The following BCAP29 variants were observed in gnomAD, a reference collection of about 807,000 sequenced individuals.
BCAP29 encodes B cell receptor associated protein 29, also known as B-cell receptor-associated protein 29.
BCAP29 carries 34 observed loss-of-function variants against 31.8 expected under a neutral mutation model. The observed-to-expected ratio is 1.07, with a 90% CI of 0.81 to 1.42. BCAP29 has a LOEUF of 1.42. BCAP29 is among the 40% of genes most tolerant of loss of function. The pLI, the probability that BCAP29 is intolerant of heterozygous loss-of-function variation, is 0.00. For missense variants in BCAP29, 314 were observed against 269.2 expected (o/e 1.17, Z -1.16); for synonymous variants, 104 against 91.3 (o/e 1.14, Z -0.79).
At chr7:107,608,600 G>T (rs1233312078) in intron 6 of BCAP29, among the ~76,000 whole-genome samples, 1 of 151,692 alleles carries the variant, frequency 6.6e-6, no homozygotes, top group African/African-American at 2.4e-5. Flanking sequence ...TTTTAATTGG[G>T]CTGGATTCTT....
At chr7:107,605,165 C>T (rs1026428159) in intron 6 of BCAP29, among the ~76,000 whole-genome samples, 1 of 152,116 alleles carries the variant, frequency 6.6e-6, no homozygotes, top group African/African-American at 2.4e-5. Flanking sequence ...AAGGCCTATA[C>T]TCATAAACTA....
intron 6 of BCAP29, among the ~76,000 whole-genome samples, chr7:107,605,105 C>A (rs1008988658): frequency 6.6e-6 from 1 of 152,126 alleles, no homozygotes; most frequent in Non-Finnish European, 1.5e-5. Context: ...CTGTTACATT[C>A]CCATTTAGTT....
At chr7:107,612,907 T>G (rs999371429) in intron 6 of BCAP29, among the ~76,000 whole-genome samples, 20 of 152,138 alleles carry the variant, frequency 1.3e-4, no homozygotes, top group Non-Finnish European at 2.9e-4. Flanking sequence ...GATAACTAAA[T>G]GCAATATGTG....
chr7:107,603,704 C>T (rs1399470513), intron 6 of BCAP29, among the ~76,000 whole-genome samples: 1 of 149,856 alleles, frequency 6.7e-6, no homozygotes, highest in Non-Finnish European at 1.5e-5. Context: ...CTCCTGGACT[C>T]AGGAGATCCT....
intron 5 of BCAP29, among the ~76,000 whole-genome samples, chr7:107,599,227 T>TTTATA (rs1554477128): frequency 3.2e-5 from 2 of 61,630 alleles, no homozygotes; most frequent in Admixed American, 2.0e-4. Flanking sequence ...ATATACATAA[T>TTTATA]TATATATATT....
chr7:107,603,005 C>G (rs762726654), intron 6 of BCAP29, among the ~76,000 whole-genome samples: 5 of 112,022 alleles, frequency 4.5e-5, no homozygotes, highest in Non-Finnish European at 6.6e-5. Flanking sequence ...AAGTCTCACT[C>G]TGTCGCCCAG....
chr7:107,603,311 T>G (rs937295882), intron 6 of BCAP29: 1 of 152,070 alleles, frequency 6.6e-6, no homozygotes, highest in Non-Finnish European at 1.5e-5. Flanking sequence ...ATTCAGTCAT[T>G]GTATGCATCC....
chr7:107,605,225 A>C (rs1811869603), intron 6 of BCAP29, among the ~76,000 whole-genome samples: 1 of 152,222 alleles, frequency 6.6e-6, no homozygotes, highest in Non-Finnish European at 1.5e-5. Context: ...ATATTAAGAC[A>C]GAAATTCAAA....
At chr7:107,604,692 T>G (rs889432379) in intron 6 of BCAP29, among the ~76,000 whole-genome samples, 66 of 151,436 alleles carry the variant, frequency 4.4e-4, no homozygotes, top group South Asian at 1.7e-3. Context: ...GTTGTTTTTT[T>G]TTTTTTGCTT....
chr7:107,610,721 A>G (rs912591175), intron 6 of BCAP29, among the ~76,000 whole-genome samples: 15 of 152,210 alleles, frequency 9.9e-5, no homozygotes, highest in Admixed American at 6.5e-4. Flanking sequence ...ATAACTTTAT[A>G]CCAGTAGTAA....
rs183323764 is a variant in BCAP29, at chr7:107,619,575, T to C, written c.*1212T>C. On this transcript the variant is annotated 3_prime_UTR_variant, in exon 8 of 8. Coordinates refer to ENST00000005259, the MANE Select transcript of BCAP29 (RefSeq NM_018844.4). The stretch of plus-strand genomic sequence containing the variant: ...AATGAGCAAGTACCTAAAAATTTTA[T>C]TTCAGATAAAAGTCAGGAGTTACTG... 4.9e-4 allele frequency: 75 copies of C among 152,292 alleles called. No homozygotes were observed. The highest frequency in any genetic ancestry group is 9.0e-4 in the Non-Finnish European group (61 of 68,006). The allele number at this position is 152,292 out of a possible 1,614,324, so 9.4% of individuals were successfully genotyped here.
intron 3 of BCAP29, among the ~76,000 whole-genome samples, chr7:107,592,335 G>T (rs1365751045): frequency 6.6e-6 from 1 of 152,162 alleles, no homozygotes; most frequent in East Asian, 1.9e-4. Flanking sequence ...CACATGAAAA[G>T]ATGTTCAACA....
upstream of BCAP29, chr7:107,580,224 C>G (rs1223598394): frequency 2.6e-5 from 4 of 152,006 alleles, no homozygotes; most frequent in African/African-American, 9.7e-5. Context: ...CTCCCCTCCC[C>G]CGCCCAGCCG....
intron 6 of BCAP29, among the ~76,000 whole-genome samples, chr7:107,605,349 A>G (rs1811895222): frequency 6.6e-6 from 1 of 152,230 alleles, no homozygotes; most frequent in African/African-American, 2.4e-5. Context: ...GTTTGTTCTC[A>G]GAAGAGCTTG....
chr7:107,584,661 T>C (rs947369828), intron 3 of BCAP29, among the ~76,000 whole-genome samples: 5 of 152,142 alleles, frequency 3.3e-5, no homozygotes, highest in African/African-American at 1.2e-4. Flanking sequence ...AGTGAACTAT[T>C]GCACTCCAGC....
chr7:107,618,741 A>G lies in BCAP29; in HGVS notation c.*378A>G, dbSNP rs1814626273. The G allele has an allele frequency of 1.6e-6, 1 of 643,538 alleles. No homozygotes were observed. The allele number at this position is 643,538 out of a possible 1,614,324, so 39.9% of individuals were successfully genotyped here. ...AAGCTTTGATAAGTTTTCAGTAATA[A>G]TAACCTATTTAATCAGATGATGATG... On this transcript the variant is annotated 3_prime_UTR_variant, in exon 8 of 8. Transcript: ENST00000005259.
Position 107,618,513 on chromosome 7 carries a change from A to G in BCAP29, c.*150A>G. 6.2e-7 allele frequency: 1 copy of G among 1,610,856 alleles called. No individual in the cohort carries two copies. The highest frequency in any genetic ancestry group is 1.1e-5 in the South Asian group (1 of 90,932). ...AGGTTGTATTGTAATGGCATTATCA[A>G]AATATTTGATGATGTTTCAGATATA... On this transcript the variant is annotated 3_prime_UTR_variant, in exon 8 of 8. Coordinates refer to ENST00000005259, the MANE Select transcript of BCAP29 (RefSeq NM_018844.4).
Position 107,618,639 on chromosome 7 carries a change from T to A in BCAP29, c.*276T>A. The A allele has an allele frequency of 6.9e-7, 1 of 1,449,238 alleles. No homozygotes were observed. Among genetic ancestry groups the A allele is most frequent in the Admixed American group, 2.3e-5 (1 of 44,014 alleles). 89.8% of individuals were successfully genotyped at this position (1,449,238 alleles called of 1,614,324 possible). On this transcript the variant is annotated 3_prime_UTR_variant, in exon 8 of 8. Coordinates refer to ENST00000005259, the MANE Select transcript of BCAP29 (RefSeq NM_018844.4). The stretch of plus-strand genomic sequence containing the variant: ...TTGGTATATGGTGGCTGTTTACCAA[T>A]AAAAGGAAAAAATTCATTAACCGGT...
chr7:107,613,400 G>C lies in BCAP29; in HGVS notation c.658G>C (p.Asp220His), dbSNP rs1240841169. The stretch of plus-strand genomic sequence containing the variant: ...GTCAGAGAGACTTTCGAAAGAATAT[G>C]ATCAACTCCTGAAAGAACACTCTGA... ...MQSERLSKEY[D>H]QLLKEHSELQ... is the part of the protein sequence containing the mutation. The change falls in exon 7 of 8, where the codon GAT (aspartate) becomes CAT (histidine). Residue 220 changes from aspartate to histidine, a missense_variant. By Grantham distance (81) the Asp-to-His change is moderately conservative. Coordinates refer to ENST00000005259, the MANE Select transcript of BCAP29 (RefSeq NM_018844.4). 2 of 1,612,362 alleles carry C rather than the reference G, an allele frequency of 1.2e-6. No individual in the cohort carries two copies. The highest frequency in any genetic ancestry group is 3.3e-5 in the Admixed American group (2 of 59,992).
Sources: gnomAD v4.1 joint callset for allele counts (sites outside exome capture counted in the v4.1 genomes callset) on GRCh38, gnomAD v4.1.1 for gene constraint, MANE v1.5 for transcripts, NCBI Gene and HGNC (gene_info 2026-07-23, HGNC 2026-07-21) for gene names.